CCDC92B: variants seen among roughly 807,000 people sequenced by gnomAD.
CCDC92B encodes the protein coiled-coil domain containing 92B.
In CCDC92B, 2 loss-of-function variants were observed where a neutral mutation model predicts 5.6. The ratio of observed to expected loss-of-function variants is 0.36; its 90% CI spans 0.15 to 1.12. The LOEUF is 1.12. Among genes scored for constraint, CCDC92B ranks in the 50% most tolerant of loss-of-function variants. The pLI is 0.40. For missense variants in CCDC92B, 271 were observed against 262.2 expected, an observed-to-expected ratio of 1.03 and a Z score of -0.23; for synonymous variants, 115 against 122.3, an observed-to-expected ratio of 0.94 and a Z score of 0.39.
At chr17:2,737,632 C>T (rs1383232022) in intron 1 of CCDC92B, among the ~76,000 whole-genome samples, 3 of 151,686 alleles carry the variant, frequency 2.0e-5, no homozygotes, top group Non-Finnish European at 2.9e-5. Flanking sequence ...CCACCACGCC[C>T]GGCTAATTTT....
chr17:2,734,973 A>T (rs1428383661), intron 2 of CCDC92B, 43 bp downstream of exon 2: 16 of 297,772 alleles, frequency 5.4e-5, no homozygotes, highest in Non-Finnish European at 6.5e-5. Flanking sequence ...TGATGATGAC[A>T]GTGACCTCTC....
intron 3 of CCDC92B, among the ~76,000 whole-genome samples, chr17:2,728,486 G>A (rs918166134): frequency 2.6e-5 from 4 of 151,874 alleles, no homozygotes; most frequent in East Asian, 1.9e-4. Context: ...GGCGCCTGTA[G>A]TCCCAGCTAC....
Position 2,724,323 on chromosome 17 carries a change from T to A in CCDC92B, c.*88A>T. 1 of 984,946 alleles carries A rather than the reference T, an allele frequency of 1.0e-6. No individual in the cohort carries two copies. Among genetic ancestry groups the A allele is most frequent in the Non-Finnish European group, 1.2e-6 (1 of 829,808 alleles). 61.0% of individuals were successfully genotyped at this position (984,946 alleles called of 1,614,324 possible). A position where few individuals can be genotyped will look rare whatever the true frequency, so the allele number is the denominator to read the frequency against. On this transcript the variant is annotated 3_prime_UTR_variant, in exon 4 of 4. Transcript: ENST00000614400. This position sits in a 1 kb window ranked among gnomAD's most constrained non-coding sequence, Gnocchi z 5.0. Reference sequence around the variant, plus strand: ...CTTCCTGGAGGAGGGGCGGCTGCCCTCCGACCCGGGACCTGCCTGCGGGGA... The same window carrying A: ...CTTCCTGGAGGAGGGGCGGCTGCCCACCGACCCGGGACCTGCCTGCGGGGA...
Position 2,724,877 on chromosome 17 carries a change from A to AGCGCGGACACCAGCGCCTCGCGCT in CCDC92B, c.278_301dup (p.Gln93_Ala100dup), listed in dbSNP as rs2070707427. ...CTCCTCGGTGCGCAGGCTGCAGCGC[A>AGCGCGGACACCAGCGCCTCGCGCT]GCGCGGACACCAGCGCCTCGCGCTG... On this transcript the variant is annotated inframe_insertion, in exon 4 of 4. Coordinates refer to ENST00000614400, the MANE Select transcript of CCDC92B (RefSeq NM_001355573.2). This position sits in a 1 kb window ranked among gnomAD's most constrained non-coding sequence, Gnocchi z 5.0. The AGCGCGGACACCAGCGCCTCGCGCT allele has an allele frequency of 1.0e-6, 1 of 985,016 alleles. No individual in the cohort carries two copies. The highest frequency in any genetic ancestry group is 1.7e-5 in the African/African-American group (1 of 57,204). 61.0% of individuals were successfully genotyped at this position (985,016 alleles called of 1,614,324 possible).
chr17:2,748,524 GT>G, intron 1 of CCDC92B: 13 of 980,186 alleles, frequency 1.3e-5, no homozygotes, highest in Non-Finnish European at 1.6e-5. Context: ...GTGTGTGTGT[GT>G]GTGTGTGTGT....
chr17:2,734,958 G>T, intron 2 of CCDC92B, 58 bp downstream of exon 2: 1 of 967,790 alleles, frequency 1.0e-6, no homozygotes, highest in Non-Finnish European at 1.2e-6. Context: ...CAGAGACAGT[G>T]GTTGTGATGA....
intron 3 of CCDC92B, among the ~76,000 whole-genome samples, chr17:2,729,546 G>A (rs1013273208): frequency 2.6e-5 from 4 of 151,564 alleles, no homozygotes; most frequent in African/African-American, 4.8e-5. Flanking sequence ...GGTAACGTGC[G>A]TTATACTTCA....
intron 1 of CCDC92B, among the ~76,000 whole-genome samples, chr17:2,745,773 G>A (rs893902064): frequency 2.0e-5 from 3 of 152,106 alleles, no homozygotes; most frequent in African/African-American, 7.2e-5. Context: ...AGTAGCTGAA[G>A]GGCTGGAGCT....
In CCDC92B at chr17:2,723,916, T is replaced by G; in HGVS notation, c.*495A>C. ...GGGGTAGAAGGACCAGCCCCTAGCC[T>G]GGGCCTCTCCTGGGGAGGAAGAAGG... On this transcript the variant is annotated 3_prime_UTR_variant, in exon 4 of 4. Transcript: ENST00000614400. 1.0e-6 allele frequency: 1 copy of G among 968,750 alleles called. No homozygotes were observed. Among genetic ancestry groups the G allele is most frequent in the Non-Finnish European group, 1.2e-6 (1 of 825,640 alleles). 60.0% of individuals were successfully genotyped at this position (968,750 alleles called of 1,614,324 possible).
chr17:2,727,342 C>G (rs1409496138), intron 3 of CCDC92B, among the ~76,000 whole-genome samples: 2 of 152,220 alleles, frequency 1.3e-5, no homozygotes, highest in African/African-American at 4.8e-5. Context: ...GGAGCTGGAC[C>G]TGGGAACTGG....
chr17:2,740,965 CAAAAAAA>C (rs34349370), intron 1 of CCDC92B, among the ~76,000 whole-genome samples: 5 of 50,932 alleles, frequency 9.8e-5, no homozygotes, highest in South Asian at 1.9e-3. Context: ...GACCCTGTCT[CAAAAAAA>C]AAAAAAAAAA....
chr17:2,739,396 A>G (rs890857869), intron 1 of CCDC92B, among the ~76,000 whole-genome samples: 1 of 149,812 alleles, frequency 6.7e-6, no homozygotes, highest in Middle Eastern at 3.5e-3. Flanking sequence ...AAATAAACAA[A>G]CAGGCTGGGC....
At chr17:2,727,595 G>T (rs913539372) in intron 3 of CCDC92B, among the ~76,000 whole-genome samples, 2 of 152,240 alleles carry the variant, frequency 1.3e-5, no homozygotes, top group Non-Finnish European at 2.9e-5. Context: ...GGAGGCCAAG[G>T]TGGGCGGATC....
intron 1 of CCDC92B, among the ~76,000 whole-genome samples, chr17:2,745,607 G>C (rs759434217): frequency 6.6e-6 from 1 of 152,202 alleles, no homozygotes; most frequent in South Asian, 2.1e-4. Context: ...AAGGGAACTA[G>C]TGACAACAAA....
At chr17:2,732,220 C>A (rs1024671511) in intron 2 of CCDC92B, among the ~76,000 whole-genome samples, 1 of 152,170 alleles carries the variant, frequency 6.6e-6, no homozygotes, top group Admixed American at 6.5e-5. Context: ...CCTTAGCCAG[C>A]TCCCTGGGCA....
chr17:2,730,550 TGTGTGTGTGTGTGAGAGAGA>T (rs1279675292), intron 2 of CCDC92B, 57 bp from the exon 3 acceptor site: 2 of 554,432 alleles, frequency 3.6e-6, no homozygotes, highest in African/African-American at 2.2e-5. Context: ...TGTGTGTGTG[TGTGTGTGTGTGTGAGAGAGA>T]GAGAGAGAGA....
At chr17:2,743,380 G>A (rs897096178) in intron 1 of CCDC92B, among the ~76,000 whole-genome samples, 2 of 151,770 alleles carry the variant, frequency 1.3e-5, no homozygotes, top group African/African-American at 4.8e-5. Context: ...GCAGTGAGCC[G>A]AGATCTCACT....
rs1244095560 is a variant in CCDC92B, at chr17:2,724,882, G to C, written c.297C>G (p.Ser99=). 1.0e-6 allele frequency: 1 copy of C among 985,078 alleles called. No homozygotes were observed. The highest frequency in any genetic ancestry group is 6.2e-5 in the Admixed American group (1 of 16,254). 61.0% of individuals were successfully genotyped at this position (985,078 alleles called of 1,614,324 possible). The change falls in exon 4 of 4, where the codon TCC becomes TCG. Residue 99 remains serine (S), a synonymous_variant. Transcript: ENST00000614400. This position sits in a 1 kb window ranked among gnomAD's most constrained non-coding sequence, Gnocchi z 5.0. ...CGGTGCGCAGGCTGCAGCGCAGCGC[G>C]GACACCAGCGCCTCGCGCTGCGCCA... ...REVAQREALV[S]ALRCSLRTEE... is the part of the protein sequence containing the mutation.
chr17:2,738,316 G>C (rs1293890430), intron 1 of CCDC92B, among the ~76,000 whole-genome samples: 1 of 152,014 alleles, frequency 6.6e-6, no homozygotes, highest in East Asian at 1.9e-4. Context: ...GGGATTACAG[G>C]CATGAGCTGC....
Sources: allele counts gnomAD v4.1 joint callset (sites outside exome capture counted in the v4.1 genomes callset), GRCh38; gene constraint gnomAD v4.1.1; non-coding constraint Gnocchi (gnomAD v3.1); transcripts MANE v1.5; gene names NCBI Gene and HGNC (gene_info 2026-07-23, HGNC 2026-07-21).